TIMM50: variants seen among roughly 807,000 people sequenced by gnomAD.
TIMM50 encodes the protein mitochondrial import inner membrane translocase subunit TIM50.
A neutral mutation model predicts 49.6 loss-of-function variants in TIMM50; 34 were observed. The observed-to-expected ratio is 0.69, with a 90% CI of 0.52 to 0.91. The LOEUF (loss-of-function observed/expected upper bound fraction) is 0.91, where lower values mean the gene tolerates loss of function less well. Ranked by LOEUF, TIMM50 falls within the 40% of genes least tolerant of loss-of-function variation. The pLI, the probability that TIMM50 is intolerant of heterozygous loss-of-function variation, is 0.00. For synonymous variants in TIMM50, 199 were observed against 198.4 expected (o/e 1.00, Z -0.03); for missense variants, 458 against 477.8 (o/e 0.96, Z 0.39).
At chr19:39,482,629 C>T (rs1600737545) in intron 2 of TIMM50, among the ~76,000 whole-genome samples, 3 of 150,772 alleles carry the variant, frequency 2.0e-5, no homozygotes, top group Admixed American at 1.3e-4. Context: ...CACTGCACTC[C>T]AGCCTGGGCA....
At chr19:39,483,389 G>T in intron 4 of TIMM50, 1 of 564,642 alleles carries the variant, frequency 1.8e-6, no homozygotes, top group Non-Finnish European at 3.1e-6. Flanking sequence ...GGAGCCTTGG[G>T]TGGGAGGGCT....
At chr19:39,483,973 C>G (rs898484987) in intron 4 of TIMM50, among the ~76,000 whole-genome samples, 1 of 152,098 alleles carries the variant, frequency 6.6e-6, no homozygotes, top group Non-Finnish European at 1.5e-5. Context: ...CGTGCCTCAG[C>G]CTCCCGAGTA....
Position 39,485,762 on chromosome 19 carries a change from G to T in TIMM50, c.447G>T (p.Thr149=), listed in dbSNP as rs114264619. 12 of 1,614,070 alleles carry T rather than the reference G, an allele frequency of 7.4e-6. No individual in the cohort carries two copies. The highest frequency in any genetic ancestry group is 8.5e-6 in the Non-Finnish European group (10 of 1,180,040). Residue 149 remains threonine, a synonymous_variant, in exon 6 of 11, where the codon ACG becomes ACT. Coordinates refer to ENST00000607714, the MANE Select transcript of TIMM50 (RefSeq NM_001001563.5). ...LQEPYYQPPY[T]LVLELTGVLL... ...AACCGTACTACCAGCCACCCTACAC[G>T]CTCGTTTTGGAGCTCACCGGCGTCC...
chr19:39,484,164 G>GT (rs1425669980), intron 4 of TIMM50, among the ~76,000 whole-genome samples: 7 of 152,058 alleles, frequency 4.6e-5, no homozygotes, highest in South Asian at 2.1e-4. Context: ...AATATATTGT[G>GT]TTTTTTTTAA....
chr19:39,481,538 C>G (rs2079471824), intron 1 of TIMM50, among the ~76,000 whole-genome samples: 1 of 152,212 alleles, frequency 6.6e-6, no homozygotes, highest in East Asian at 1.9e-4. Flanking sequence ...CCTTCCCCCA[C>G]CACTTGTGCC....
rs2079518144 is a variant in TIMM50, at chr19:39,487,902, G to C, written c.697-159G>C. The C allele has an allele frequency of 3.6e-6, 4 of 1,111,912 alleles. No individual in the cohort carries two copies. In the South Asian group the frequency reaches 5.0e-5, roughly 14 times the overall value. 68.9% of individuals were successfully genotyped at this position (1,111,912 alleles called of 1,614,324 possible). A position where few individuals can be genotyped will look rare whatever the true frequency, so the allele number is the denominator to read the frequency against. On this transcript the variant is annotated intron_variant, in intron 8 of 10. Coordinates refer to ENST00000607714, the MANE Select transcript of TIMM50 (RefSeq NM_001001563.5). ...CCACCATGCCTGGCCCTCTGTGGGG[G>C]TCGATGCCATCATCCAAAGCCGGTC... is the stretch of plus-strand genomic sequence containing the variant.
rs1361573755 is a variant in TIMM50 at position 39,489,980 on chromosome 19, T to A, written c.*160T>A. The A allele has an allele frequency of 4.4e-6, 3 of 688,618 alleles. No individual in the cohort carries two copies. Among genetic ancestry groups the A allele is most frequent in the Non-Finnish European group, 7.4e-6 (3 of 407,608 alleles). 42.7% of individuals were successfully genotyped at this position (688,618 alleles called of 1,614,324 possible). ...GGCATCAGGGTGAGGTCCGGGACTC[T>A]TGGGTCATCGTCCCACAGTGGCTGA... On this transcript the variant is annotated 3_prime_UTR_variant, in exon 11 of 11. Coordinates refer to ENST00000607714, the MANE Select transcript of TIMM50 (RefSeq NM_001001563.5).
chr19:39,481,097 T>G, intron 1 of TIMM50, 136 bp downstream of exon 1: 1 of 1,171,284 alleles, frequency 8.5e-7, no homozygotes, highest in Non-Finnish European at 1.2e-6. Context: ...TTGGGGCCCT[T>G]CCCAACCTCC....
Position 39,481,841 on chromosome 19 carries a change from C to T in TIMM50, c.109-42C>T, listed in dbSNP as rs199594928. 3.5e-4 allele frequency: 555 copies of T among 1,597,000 alleles called. 1 individual carries two copies. In the African/African-American group the frequency reaches 5.7e-3, roughly 17 times the overall value. ...GACTGGAGGGTGGGGACCATCCTGACCTCTCTTCTCTCTTGGCTGACCTCC... is the reference window on the plus strand; with the variant it reads ...GACTGGAGGGTGGGGACCATCCTGATCTCTCTTCTCTCTTGGCTGACCTCC... On this transcript the variant is annotated intron_variant, in intron 1 of 10. Transcript: ENST00000607714.
At chr19:39,488,405 C>A in intron 9 of TIMM50, 134 bp from the exon 10 acceptor site, 1 of 1,079,026 alleles carries the variant, frequency 9.3e-7, no homozygotes, top group Non-Finnish European at 1.4e-6. Flanking sequence ...TCAGGGGAGC[C>A]CTTTCAGAGC....
At position 39,492,894 on chromosome 19, in the gene TIMM50, A is replaced by C. The variant is rs1408489384; in HGVS notation, c.*3074A>C. 111 of 137,540 alleles carry C rather than the reference A, an allele frequency of 8.1e-4. No homozygotes were observed. Among genetic ancestry groups the C allele is most frequent in the South Asian group, 1.8e-3 (8 of 4,370 alleles). 8.5% of individuals were successfully genotyped at this position (137,540 alleles called of 1,614,324 possible). On this transcript the variant is annotated 3_prime_UTR_variant, in exon 11 of 11. Coordinates refer to ENST00000607714, the MANE Select transcript of TIMM50 (RefSeq NM_001001563.5). The stretch of plus-strand genomic sequence containing the variant: ...TCCAAAAAAAAAAAAAAAAAAAAAC[A>C]AAAAAAAAACCAGTTTGACTTTATC...
At chr19:39,483,489 TC>T (rs1284053437) in intron 4 of TIMM50, 4 of 331,138 alleles carry the variant, frequency 1.2e-5, no homozygotes, top group African/African-American at 6.4e-5. Context: ...CCCATCCCCC[TC>T]GAGCCCCTAC....
intron 6 of TIMM50, 68 bp from the exon 7 acceptor site, chr19:39,486,119 C>CT (rs2079503828): frequency 6.7e-7 from 1 of 1,483,106 alleles, no homozygotes. Flanking sequence ...CAGGCTGGAT[C>CT]TTTGTCCTCT....
rs140964070 is a variant in TIMM50 at position 39,487,338 on chromosome 19, A to G, written c.697-723A>G. The stretch of plus-strand genomic sequence containing the variant: ...AGGCTGGAGTGCAGTGGTGTGATGA[A>G]CATGGCTCACTGCAGTCTCAACCTT... On this transcript the variant is annotated intron_variant, in intron 8 of 10. Coordinates refer to ENST00000607714, the MANE Select transcript of TIMM50 (RefSeq NM_001001563.5). Among the ~76,000 whole-genome samples, 1,320 of 152,158 alleles carry G rather than the reference A, an allele frequency of 8.7e-3. 19 individuals carry two copies. Among genetic ancestry groups the G allele is most frequent in the African/African-American group, 0.03 (1,231 of 41,502 alleles).
rs1221413880 is a variant in TIMM50, at chr19:39,488,575, T to C, written c.890T>C (p.Val297Ala). 2 of 1,613,266 alleles carry C rather than the reference T, an allele frequency of 1.2e-6. No individual in the cohort carries two copies. Among genetic ancestry groups the C allele is most frequent in the Non-Finnish European group, 1.7e-6 (2 of 1,180,026 alleles). Residue 297 changes from valine (V) to alanine (A), a missense_variant, in exon 10 of 11, where the codon GTG becomes GCG. Transcript: ENST00000607714. Reference sequence around the variant, plus strand: ...AATGGTGTGGAGGACGTGCGAACCGTGCTGGAGCACTATGCCCTGGAGGAT... The same window carrying C: ...AATGGTGTGGAGGACGTGCGAACCGCGCTGGAGCACTATGCCCTGGAGGAT... ...ALNGVEDVRT[V>A]LEHYALEDDP...
rs778355943 is a variant in TIMM50 at position 39,485,571 on chromosome 19, G to A, written c.341G>A (p.Arg114Gln). 2.1e-5 allele frequency: 34 copies of A among 1,613,980 alleles called. No individual in the cohort carries two copies. The highest frequency in any genetic ancestry group is 2.8e-5 in the Non-Finnish European group (33 of 1,180,036). The change falls in exon 5 of 11, where the codon CGG (arginine) becomes CAG (glutamine). Residue 114 changes from arginine (R) to glutamine (Q), a missense_variant. By Grantham distance (43) the Arg-to-Gln change is conservative. Transcript: ENST00000607714. The stretch of plus-strand genomic sequence containing the variant: ...CCAATTCTGGTACAGCAGTTGCGCC[G>A]GACATACAAATATTTCAAAGATTAT... ...NDPILVQQLR[R>Q]TYKYFKDYRQ...
At chr19:39,485,663 C>T (rs767307654) in intron 5 of TIMM50, 25 bp from the exon 6 acceptor site, 1 of 1,614,080 alleles carries the variant, frequency 6.2e-7, no homozygotes, top group South Asian at 1.1e-5. Context: ...TGTCTGAGCG[C>T]CCCCATCCTG....
At position 39,486,482 on chromosome 19, in the gene TIMM50, G is replaced by A. The variant is rs752316744; in HGVS notation, c.683G>A (p.Gly228Glu). The A allele has an allele frequency of 1.2e-6, 2 of 1,613,990 alleles. No homozygotes were observed. Among genetic ancestry groups the A allele is most frequent in the Non-Finnish European group, 1.7e-6 (2 of 1,179,874 alleles). The stretch of plus-strand genomic sequence containing the variant: ...CGGGACGCCACAAGATACATGGATG[G>A]ACACCATGTAAAGGTGCCGTGGGTT... The part of the protein sequence containing the change: ...LFRDATRYMD[G>E]HHVKDISCLN... Residue 228 changes from glycine to glutamate, a missense_variant, in exon 8 of 11, where the codon GGA becomes GAA. Coordinates refer to ENST00000607714, the MANE Select transcript of TIMM50 (RefSeq NM_001001563.5).
At chr19:39,482,857 C>T (rs1568440754) in intron 2 of TIMM50, 28 bp from the exon 3 acceptor site, 1 of 1,614,034 alleles carries the variant, frequency 6.2e-7, no homozygotes, top group Non-Finnish European at 8.5e-7. Context: ...GCCCTAATTC[C>T]TCATATTCAT....
Sources: gnomAD v4.1 joint callset for allele counts (sites outside exome capture counted in the v4.1 genomes callset) on GRCh38, gnomAD v4.1.1 for gene constraint, MANE v1.5 for transcripts, NCBI Gene and HGNC (gene_info 2026-07-23, HGNC 2026-07-21) for gene names.